The following ANKFN1 variants were observed in gnomAD, a reference collection of about 807,000 sequenced individuals.
The protein encoded by ANKFN1 is ankyrin repeat and fibronectin type III domain containing 1, also known as ankyrin repeat and fibronectin type-III domain-containing protein 1.
A neutral mutation model predicts 108.7 loss-of-function variants in ANKFN1; 74 were observed. The ratio of observed to expected loss-of-function variants is 0.68; its 90% CI spans 0.56 to 0.83. The LOEUF (loss-of-function observed/expected upper bound fraction) is 0.83. Ranked by LOEUF, ANKFN1 falls within the 40% of genes least tolerant of loss-of-function variation. ANKFN1 has a pLI of 0.00. For missense variants in ANKFN1, 1,505 were observed against 1,382.3 expected, an observed-to-expected ratio of 1.09 and a Z score of -1.41; for synonymous variants, 547 against 516.2, an observed-to-expected ratio of 1.06 and a Z score of -0.81.
chr17:56,118,638 C>A (rs1164499466), intron 4 of ANKFN1, among the ~76,000 whole-genome samples: 1 of 152,250 alleles, frequency 6.6e-6, no homozygotes, highest in African/African-American at 2.4e-5. Flanking sequence ...ATCTTCCCAG[C>A]AATCCTCTGA....
At chr17:56,332,330 G>A (rs373360915) in intron 4 of ANKFN1, among the ~76,000 whole-genome samples, 1 of 152,144 alleles carries the variant, frequency 6.6e-6, no homozygotes, top group Admixed American at 6.6e-5. Flanking sequence ...ACTCTGCACA[G>A]GCTACTCTTC....
At chr17:56,206,364 G>A (rs1914536939) in intron 1 of ANKFN1, 1 of 152,122 alleles carries the variant, frequency 6.6e-6, no homozygotes, top group African/African-American at 2.4e-5. Flanking sequence ...ATGATTACAT[G>A]ATAGTCCCTT....
chr17:56,365,530 G>C (rs554328917), intron 6 of ANKFN1, among the ~76,000 whole-genome samples: 2 of 152,156 alleles, frequency 1.3e-5, no homozygotes, highest in Admixed American at 1.3e-4. Context: ...AGAGTAACTA[G>C]TTAGGATCAC....
At chr17:56,308,211 C>T (rs1202169317) in intron 3 of ANKFN1, among the ~76,000 whole-genome samples, 1 of 149,400 alleles carries the variant, frequency 6.7e-6, no homozygotes, top group Non-Finnish European at 1.5e-5. Context: ...ACGTTGTGCA[C>T]ATGTACCCTA....
At chr17:56,494,060 T>A (rs1226647114) in intron 19 of ANKFN1, among the ~76,000 whole-genome samples, 6 of 152,198 alleles carry the variant, frequency 3.9e-5, no homozygotes, top group African/African-American at 1.2e-4. Flanking sequence ...TATATATTCA[T>A]TCATTCACAA....
At chr17:56,448,116 C>A (rs560001278) in intron 10 of ANKFN1, among the ~76,000 whole-genome samples, 4 of 152,236 alleles carry the variant, frequency 2.6e-5, no homozygotes, top group South Asian at 2.1e-4. Flanking sequence ...CACTCATGAA[C>A]TAACTGGCTT....
At chr17:56,317,304 T>C (rs2045237804) in intron 3 of ANKFN1, among the ~76,000 whole-genome samples, 1 of 152,182 alleles carries the variant, frequency 6.6e-6, no homozygotes, top group African/African-American at 2.4e-5. Context: ...CCAGAAACAT[T>C]GCAAATCAAC....
intron 3 of ANKFN1, among the ~76,000 whole-genome samples, chr17:56,314,315 T>C (rs2045133864): frequency 6.6e-6 from 1 of 152,136 alleles, no homozygotes; most frequent in South Asian, 2.1e-4. Context: ...AGTCATAAGG[T>C]ATATTATATT....
chr17:56,351,020 G>T, intron 5 of ANKFN1, 53 bp downstream of exon 5: 1 of 1,557,356 alleles, frequency 6.4e-7, no homozygotes, highest in Non-Finnish European at 8.8e-7. Flanking sequence ...ATTTATGTTT[G>T]GGTTTAAGGA....
chr17:56,322,899 T>C (rs1046750268), intron 3 of ANKFN1, among the ~76,000 whole-genome samples: 10 of 152,232 alleles, frequency 6.6e-5, no homozygotes, highest in Non-Finnish European at 1.0e-4. Flanking sequence ...CTGTTCATCT[T>C]TGAATGGGAG....
At chr17:56,176,062 G>A (rs1027313297) in intron 1 of ANKFN1, among the ~76,000 whole-genome samples, 1 of 151,766 alleles carries the variant, frequency 6.6e-6, no homozygotes, top group Non-Finnish European at 1.5e-5. Flanking sequence ...ATGAAGGGGG[G>A]TACTGGGAGG....
At chr17:56,098,439 C>T (rs1905575102) in intron 4 of ANKFN1, among the ~76,000 whole-genome samples, 1 of 129,586 alleles carries the variant, frequency 7.7e-6, no homozygotes, top group South Asian at 2.1e-4. Flanking sequence ...CACACACACA[C>T]GCGCGCGCAC....
intron 1 of ANKFN1, among the ~76,000 whole-genome samples, chr17:56,170,803 T>TACACACACACACACACACACACACAC (rs1160259097): frequency 4.4e-5 from 3 of 68,082 alleles, no homozygotes; most frequent in Non-Finnish European, 9.4e-5. Context: ...TATATATATA[T>TACACACACACACACACACACACACAC]ATATACACAC....
At chr17:56,081,841 C>A (rs1419317606) in intron 4 of ANKFN1, among the ~76,000 whole-genome samples, 1 of 152,194 alleles carries the variant, frequency 6.6e-6, no homozygotes, top group Admixed American at 6.5e-5. Flanking sequence ...GGCTTTCTTC[C>A]CTTTTCTGGT....
At chr17:56,228,181 G>T (rs535130873) in intron 3 of ANKFN1, 11 of 459,466 alleles carry the variant, frequency 2.4e-5, no homozygotes, top group Non-Finnish European at 3.8e-5. Flanking sequence ...ACAATATTAC[G>T]TCTAAAGGTA....
At chr17:56,420,063 A>T (rs1185838283) in intron 8 of ANKFN1, among the ~76,000 whole-genome samples, 1 of 152,092 alleles carries the variant, frequency 6.6e-6, no homozygotes, top group African/African-American at 2.4e-5. Flanking sequence ...GGTATATATA[A>T]TCTCATATAC....
chr17:56,070,755 T>TA (rs890675943), intron 4 of ANKFN1, among the ~76,000 whole-genome samples: 5 of 151,884 alleles, frequency 3.3e-5, no homozygotes, highest in African/African-American at 1.2e-4. Context: ...TTTTTTTTTT[T>TA]GAGACGTACT....
intron 8 of ANKFN1, among the ~76,000 whole-genome samples, chr17:56,401,373 G>GTATTGTATTGTATTGTATTGTA: frequency 4.2e-5 from 1 of 23,744 alleles, no homozygotes; most frequent in Middle Eastern, 0.021. Flanking sequence ...ATTGTATTGT[G>GTATTGTATTGTATTGTATTGTA]TTGTGTTGTG....
chr17:56,239,078 T>G (rs545830851), intron 3 of ANKFN1, among the ~76,000 whole-genome samples: 86 of 152,304 alleles, frequency 5.6e-4, no homozygotes, highest in Non-Finnish European at 1.0e-3. Flanking sequence ...TGATTATGAT[T>G]CAAAGATTTC....
Sources: allele counts gnomAD v4.1 joint callset (sites outside exome capture counted in the v4.1 genomes callset), GRCh38; gene constraint gnomAD v4.1.1; transcripts MANE v1.5; gene names NCBI Gene and HGNC (gene_info 2026-07-23, HGNC 2026-07-21).